The following NPAS3 variants were observed in gnomAD, a reference collection of about 807,000 sequenced individuals.
NPAS3 encodes neuronal PAS domain protein 3.
A neutral mutation model predicts 73.1 loss-of-function variants in NPAS3; 14 were observed. The ratio of observed to expected loss-of-function variants is 0.19; its 90% CI spans 0.13 to 0.30. The LOEUF is 0.30. Among genes scored for constraint, NPAS3 ranks in the 10% least tolerant of loss-of-function variants. The pLI is 1.00. For missense variants in NPAS3, 1,096 were observed against 1,250.0 expected (o/e 0.88, Z 1.86); for synonymous variants, 620 against 541.5 (o/e 1.14, Z -2.01).
intron 4 of NPAS3, among the ~76,000 whole-genome samples, chr14:33,400,009 AT>A (rs1566867935): frequency 6.6e-6 from 1 of 152,124 alleles, no homozygotes; most frequent in Non-Finnish European, 1.5e-5. Flanking sequence ...ACTAGCTGCT[AT>A]TATAATAATT....
intron 2 of NPAS3, among the ~76,000 whole-genome samples, chr14:33,089,580 A>G (rs1415183771): frequency 2.6e-5 from 4 of 152,206 alleles, no homozygotes; most frequent in African/African-American, 7.2e-5. Flanking sequence ...ACTCTGCAGG[A>G]TATTATCCAG....
chr14:33,580,350 A>G (rs2056613586), intron 5 of NPAS3, among the ~76,000 whole-genome samples: 1 of 152,172 alleles, frequency 6.6e-6, no homozygotes, highest in Non-Finnish European at 1.5e-5. Context: ...AAAAAAAATC[A>G]TTGTTTGCTA....
chr14:33,113,958 C>A (rs1370967723), intron 2 of NPAS3, among the ~76,000 whole-genome samples: 1 of 152,102 alleles, frequency 6.6e-6, no homozygotes, highest in East Asian at 1.9e-4. Flanking sequence ...TGTTTATATG[C>A]TGTATTATGT....
intron 4 of NPAS3, among the ~76,000 whole-genome samples, chr14:33,451,278 T>A (rs1188708216): frequency 2.0e-5 from 3 of 152,230 alleles, no homozygotes; most frequent in African/African-American, 7.2e-5. Context: ...AACAATACGG[T>A]ACAGTGGTTA....
intron 3 of NPAS3, among the ~76,000 whole-genome samples, chr14:33,278,029 G>A (rs962000056): frequency 1.2e-4 from 18 of 151,792 alleles, no homozygotes; most frequent in African/African-American, 3.9e-4. Flanking sequence ...TGAAGGGGGC[G>A]AGAAGGAATG....
At chr14:33,103,878 C>G (rs1319704575) in intron 2 of NPAS3, among the ~76,000 whole-genome samples, 2 of 151,956 alleles carry the variant, frequency 1.3e-5, no homozygotes, top group Non-Finnish European at 2.9e-5. Context: ...AGAGCTGCAG[C>G]AAGAAAAGCA....
intron 9 of NPAS3, among the ~76,000 whole-genome samples, chr14:33,778,846 G>C (rs2062897562): frequency 6.6e-6 from 1 of 152,208 alleles, no homozygotes; most frequent in Admixed American, 6.5e-5. Context: ...AAGTGGTGGG[G>C]AAACCTTTGT....
At chr14:33,676,566 A>G (rs1033900114) in intron 6 of NPAS3, among the ~76,000 whole-genome samples, 181 bp downstream of exon 6, 3 of 152,250 alleles carry the variant, frequency 2.0e-5, no homozygotes, top group Admixed American at 6.5e-5. Flanking sequence ...AGACATTTTA[A>G]TAAGTATAAT....
At chr14:33,684,903 T>C (rs1364877753) in intron 6 of NPAS3, among the ~76,000 whole-genome samples, 1 of 152,214 alleles carries the variant, frequency 6.6e-6, no homozygotes, top group African/African-American at 2.4e-5. Flanking sequence ...GAGGTGGACG[T>C]GTCCCACTGG....
chr14:33,522,332 T>A (rs1024670111), intron 4 of NPAS3, among the ~76,000 whole-genome samples: 12 of 152,128 alleles, frequency 7.9e-5, no homozygotes, highest in African/African-American at 2.9e-4. Context: ...AAACTTCTTC[T>A]CCTTATGGCC....
At chr14:33,039,809 C>A (rs1360087125) in intron 1 of NPAS3, among the ~76,000 whole-genome samples, 3 of 152,208 alleles carry the variant, frequency 2.0e-5, no homozygotes, top group African/African-American at 7.2e-5. Flanking sequence ...GCAGACTGCA[C>A]ACAGGGGCCT....
At chr14:33,688,709 G>C (rs571649231) in intron 6 of NPAS3, among the ~76,000 whole-genome samples, 1 of 152,290 alleles carries the variant, frequency 6.6e-6, no homozygotes, top group South Asian at 2.1e-4. Context: ...CAAGTTCCAA[G>C]TTTTTAGTGC....
intron 3 of NPAS3, among the ~76,000 whole-genome samples, chr14:33,257,433 A>C (rs1172533921): frequency 1.3e-5 from 2 of 152,124 alleles, no homozygotes; most frequent in Non-Finnish European, 2.9e-5. Context: ...CATAGCATTT[A>C]AAAAGCTCTT....
intron 7 of NPAS3, among the ~76,000 whole-genome samples, chr14:33,747,207 GA>G (rs1216540445): frequency 6.6e-6 from 1 of 151,996 alleles, no homozygotes; most frequent in East Asian, 1.9e-4. Flanking sequence ...AACAATGATA[GA>G]CTGGATTAAG....
At chr14:33,016,615 GAAAA>G (rs10597224) in intron 1 of NPAS3, among the ~76,000 whole-genome samples, 3 of 126,188 alleles carry the variant, frequency 2.4e-5, no homozygotes, top group Non-Finnish European at 4.9e-5. Flanking sequence ...AGAAAAAAAG[GAAAA>G]AAAAAAAAAA....
chr14:33,539,399 G>A (rs75808886), intron 4 of NPAS3, among the ~76,000 whole-genome samples: 6,616 of 152,064 alleles, frequency 0.044, 207 homozygotes, highest in Non-Finnish European at 0.067. Flanking sequence ...GGGAATTAGG[G>A]ATCAAAACTG....
intron 5 of NPAS3, among the ~76,000 whole-genome samples, chr14:33,572,132 G>A (rs1049105625): frequency 6.6e-6 from 1 of 151,980 alleles, no homozygotes; most frequent in African/African-American, 2.4e-5. Flanking sequence ...TCTAAAAAGT[G>A]GAAAATACAC....
intron 2 of NPAS3, among the ~76,000 whole-genome samples, chr14:33,195,834 A>T (rs1165099803): frequency 6.6e-6 from 1 of 152,214 alleles, no homozygotes; most frequent in Admixed American, 6.5e-5. Flanking sequence ...AAGGAAAGTC[A>T]GGTTGAATAT....
chr14:33,385,944 G>A (rs904896550), intron 4 of NPAS3, among the ~76,000 whole-genome samples: 2 of 152,180 alleles, frequency 1.3e-5, no homozygotes, highest in Non-Finnish European at 2.9e-5. Context: ...GGTACTATGA[G>A]TGAAAGGTTT....
Sources: gnomAD v4.1 joint callset for allele counts (sites outside exome capture counted in the v4.1 genomes callset) on GRCh38, gnomAD v4.1.1 for gene constraint, MANE v1.5 for transcripts, NCBI Gene and HGNC (gene_info 2026-07-23, HGNC 2026-07-21) for gene names.